Variants in KCNIP1 observed in about 807,000 individuals in gnomAD.
The protein encoded by KCNIP1 is potassium voltage-gated channel interacting protein 1.
A neutral mutation model predicts 33.0 loss-of-function variants in KCNIP1; 18 were observed. The ratio of observed to expected loss-of-function variants is 0.55; its 90% CI spans 0.38 to 0.81. KCNIP1 has a LOEUF of 0.81. Among genes scored for constraint, KCNIP1 ranks in the 30% least tolerant of loss-of-function variants. KCNIP1 has a pLI of 0.00. For missense variants in KCNIP1, 238 were observed against 271.6 expected, an observed-to-expected ratio of 0.88 and a Z score of 0.87; for synonymous variants, 93 against 98.3, an observed-to-expected ratio of 0.95 and a Z score of 0.32.
chr5:170,396,534 C>T (rs1278893003), intron 1 of KCNIP1, among the ~76,000 whole-genome samples: 2 of 152,202 alleles, frequency 1.3e-5, no homozygotes, highest in Non-Finnish European at 2.9e-5. Flanking sequence ...TCAATGAATA[C>T]ACATAAGATT....
chr5:170,512,632 A>G (rs1384659997), intron 1 of KCNIP1, among the ~76,000 whole-genome samples: 1 of 152,244 alleles, frequency 6.6e-6, no homozygotes, highest in Non-Finnish European at 1.5e-5. Flanking sequence ...GCAGTCATGC[A>G]TGTAAGATGC....
chr5:170,378,590 C>G lies in KCNIP1; in HGVS notation c.88+24626C>G, dbSNP rs45530435. On this transcript the variant is annotated intron_variant, in intron 1 of 7. Transcript: ENST00000377360. Reference sequence around the variant, plus strand: ...GCAACAGAAGACAGCGTGGATTGGACTGGAAGAGTGGGAGGGCAGGTGGAG... The same window carrying G: ...GCAACAGAAGACAGCGTGGATTGGAGTGGAAGAGTGGGAGGGCAGGTGGAG... 7.7e-3 allele frequency: 8,602 copies of G among 1,115,388 alleles called. 443 individuals are homozygous for G. The African/African-American group carries it at 0.12, about 15-fold the overall frequency. 69.1% of individuals were successfully genotyped at this position (1,115,388 alleles called of 1,614,324 possible). A position where few individuals can be genotyped will look rare whatever the true frequency, so the allele number is the denominator to read the frequency against.
Position 170,362,573 on chromosome 5 carries a change from G to C in KCNIP1, c.88+8609G>C, listed in dbSNP as rs1581109078. On this transcript the variant is annotated intron_variant, in intron 1 of 7. Coordinates refer to the KCNIP1 transcript ENST00000377360. ...AAACATATGGGGAGCAGGCCCGACA[G>C]CCAAGACTACAGGGAGGGGAGAAAA... Among the ~76,000 whole-genome samples, 3 of 152,152 alleles carry C rather than the reference G, an allele frequency of 2.0e-5. No homozygotes were observed. The East Asian group carries it at 5.8e-4, about 29-fold the overall frequency.
intron 1 of KCNIP1, among the ~76,000 whole-genome samples, chr5:170,536,159 C>T (rs1484302336): frequency 4.6e-5 from 7 of 152,238 alleles, no homozygotes; most frequent in African/African-American, 7.2e-5. Context: ...CAGAGAGCAG[C>T]AGTGCCTTGA....
At position 170,518,969 on chromosome 5, in the gene KCNIP1, A is replaced by C. The variant is rs191706297; in HGVS notation, c.61+14336A>C. 7.7e-4 allele frequency among the ~76,000 whole-genome samples: 117 copies of C among 152,218 alleles called. 1 individual carries two copies. Among genetic ancestry groups the C allele is most frequent in the East Asian group, 7.3e-3 (38 of 5,178 alleles). On this transcript the variant is annotated intron_variant, in intron 1 of 7. Transcript: ENST00000328939. The stretch of plus-strand genomic sequence containing the variant: ...TCCCCAATGGCAGGAGGGATTACAG[A>C]AGTGATTTCAGGTGCCAGTGCCTCC...
At chr5:170,571,471 C>A (rs1045416042) in intron 1 of KCNIP1, among the ~76,000 whole-genome samples, 1 of 152,252 alleles carries the variant, frequency 6.6e-6, no homozygotes, top group African/African-American at 2.4e-5. Context: ...ACCTCCAGGT[C>A]TCAGTTGAAA....
chr5:170,457,800 A>C (rs1386455607), intron 1 of KCNIP1, among the ~76,000 whole-genome samples: 1 of 152,150 alleles, frequency 6.6e-6, no homozygotes, highest in East Asian at 1.9e-4. Context: ...AATACCCCCC[A>C]AAAAATCACA....
chr5:170,526,717 A>AGCTTTTTT (rs556962176), intron 1 of KCNIP1, among the ~76,000 whole-genome samples: 2 of 136,902 alleles, frequency 1.5e-5, no homozygotes, highest in African/African-American at 6.0e-5. Flanking sequence ...TTATCTGATT[A>AGCTTTTTT]GCTTTTTTTT....
intron 1 of KCNIP1, among the ~76,000 whole-genome samples, chr5:170,643,517 A>G (rs564924583): frequency 2.6e-5 from 4 of 152,110 alleles, no homozygotes; most frequent in Non-Finnish European, 5.9e-5. Flanking sequence ...CCAACACTTT[A>G]CCCACTCACC....
chr5:170,405,985 G>C (rs977595084), intron 1 of KCNIP1, among the ~76,000 whole-genome samples: 1 of 152,134 alleles, frequency 6.6e-6, no homozygotes, highest in Non-Finnish European at 1.5e-5. Context: ...TCCCCTGCCC[G>C]TTTCTCCGGG....
intron 1 of KCNIP1, among the ~76,000 whole-genome samples, chr5:170,673,855 G>A (rs1762017595): frequency 6.6e-6 from 1 of 152,052 alleles, no homozygotes; most frequent in African/African-American, 2.4e-5. Flanking sequence ...ATGGTGGTGG[G>A]CGGAGGTGGG....
At chr5:170,554,569 T>A (rs930300572) in intron 1 of KCNIP1, among the ~76,000 whole-genome samples, 1 of 151,738 alleles carries the variant, frequency 6.6e-6, no homozygotes, top group African/African-American at 2.4e-5. Flanking sequence ...ACCTGAAGAG[T>A]CTTAGAAGCC....
At chr5:170,667,985 C>T (rs887418297) in intron 1 of KCNIP1, among the ~76,000 whole-genome samples, 5 of 152,176 alleles carry the variant, frequency 3.3e-5, no homozygotes, top group Non-Finnish European at 5.9e-5. Context: ...TGGGCTCATA[C>T]GTCCATCCCC....
intron 1 of KCNIP1, among the ~76,000 whole-genome samples, chr5:170,653,482 T>C (rs749902914): frequency 1.4e-4 from 22 of 152,172 alleles, no homozygotes; most frequent in Non-Finnish European, 1.2e-4. Context: ...AAATTTGTGA[T>C]GTTCTCTCTG....
At chr5:170,372,252 A>C (rs780204326) in intron 1 of KCNIP1, among the ~76,000 whole-genome samples, 17 of 152,236 alleles carry the variant, frequency 1.1e-4, no homozygotes, top group Non-Finnish European at 1.9e-4. Context: ...AGAAACAGGC[A>C]GACGGAAGAG....
At chr5:170,561,648 C>A (rs976320945) in intron 1 of KCNIP1, among the ~76,000 whole-genome samples, 1 of 152,202 alleles carries the variant, frequency 6.6e-6, no homozygotes. Context: ...TTCTTGAGAC[C>A]AGGTTCCCAT....
intron 1 of KCNIP1, among the ~76,000 whole-genome samples, chr5:170,486,779 G>A (rs940167734): frequency 1.3e-5 from 2 of 152,156 alleles, no homozygotes; most frequent in Non-Finnish European, 1.5e-5. Context: ...GTTAGCCATT[G>A]TCTGGGCCCT....
At chr5:170,535,263 G>A (rs191850739) in intron 1 of KCNIP1, among the ~76,000 whole-genome samples, 36 of 152,276 alleles carry the variant, frequency 2.4e-4, no homozygotes, top group Non-Finnish European at 4.1e-4. Flanking sequence ...CTGGAAGGAC[G>A]TTCTCCTTGA....
chr5:170,595,206 G>A (rs1273893918), intron 1 of KCNIP1, among the ~76,000 whole-genome samples: 2 of 152,156 alleles, frequency 1.3e-5, no homozygotes, highest in Admixed American at 6.5e-5. Context: ...AGTGGGGTGG[G>A]GTTTAAAAAT....
Sources: gnomAD v4.1 joint callset for allele counts (sites outside exome capture counted in the v4.1 genomes callset) on GRCh38, gnomAD v4.1.1 for gene constraint, MANE v1.5 for transcripts, NCBI Gene and HGNC (gene_info 2026-07-23, HGNC 2026-07-21) for gene names.